CHODL: variants seen among roughly 807,000 people sequenced by gnomAD.
CHODL encodes the protein chondrolectin, also known as transmembrane protein MT75.
A neutral mutation model predicts 34.5 loss-of-function variants in CHODL; 29 were observed. The observed-to-expected ratio is 0.84, with a 90% CI of 0.63 to 1.15. CHODL has a LOEUF of 1.15. Ranked by LOEUF, CHODL falls within the 50% of genes most tolerant of loss-of-function variation. The pLI, the probability that CHODL is intolerant of heterozygous loss-of-function variation, is 0.00. For synonymous variants in CHODL, 125 were observed against 116.1 expected (o/e 1.08, Z -0.49); for missense variants, 332 against 332.5 (o/e 1.00, Z 0.01).
At chr21:18,131,404 A>C (rs181917869) in intron 2 of CHODL, among the ~76,000 whole-genome samples, 1 of 152,216 alleles carries the variant, frequency 6.6e-6, no homozygotes, top group Non-Finnish European at 1.5e-5. Flanking sequence ...AAACATTTCA[A>C]TGTAAATCTA....
chr21:18,047,775 T>C (rs923622387), intron 2 of CHODL, among the ~76,000 whole-genome samples: 1 of 151,932 alleles, frequency 6.6e-6, no homozygotes, highest in Non-Finnish European at 1.5e-5. Flanking sequence ...AGAGAATGAC[T>C]TGGGAAAAAG....
chr21:18,169,795 G>A (rs550506161), intron 2 of CHODL, among the ~76,000 whole-genome samples: 1 of 151,970 alleles, frequency 6.6e-6, no homozygotes, highest in South Asian at 2.1e-4. Flanking sequence ...CATAAATTTT[G>A]CTAGATTAGT....
intron 2 of CHODL, among the ~76,000 whole-genome samples, chr21:18,234,554 G>A (rs1302962786): frequency 2.0e-5 from 3 of 152,080 alleles, no homozygotes; most frequent in South Asian, 2.1e-4. Context: ...TAACATTTAC[G>A]CAATATCTGG....
chr21:18,260,260 A>G lies in CHODL; in HGVS notation c.608A>G (p.His203Arg), dbSNP rs775168241. The G allele has an allele frequency of 3.1e-6, 5 of 1,590,556 alleles. No homozygotes were observed. Among genetic ancestry groups the G allele is most frequent in the Non-Finnish European group, 4.3e-6 (5 of 1,170,388 alleles). ...CTTACAAATCAACCAGGAGACACCC[A>G]TCAGAATGTGGTTGTTACTGAAGCA... ...PYLTNQPGDT[H>R]QNVVVTEAGI... The change falls in exon 4 of 6, where the codon CAT becomes CGT. Residue 203 changes from histidine to arginine, a missense_variant. By Grantham distance (29) the His-to-Arg change is conservative. Transcript: ENST00000299295.
intron 1 of CHODL, among the ~76,000 whole-genome samples, chr21:17,995,757 A>G (rs2063843019): frequency 1.3e-5 from 2 of 152,338 alleles, no homozygotes; most frequent in Non-Finnish European, 1.5e-5. Context: ...GTCTTGCTGA[A>G]GAACACTGGA....
At chr21:18,195,230 AT>A (rs2073572448) in intron 2 of CHODL, among the ~76,000 whole-genome samples, 1 of 151,656 alleles carries the variant, frequency 6.6e-6, no homozygotes, top group South Asian at 2.1e-4. Context: ...AATTTTTTGT[AT>A]TTTTAGTAGA....
chr21:17,957,137 T>C (rs560636216), intron 1 of CHODL, among the ~76,000 whole-genome samples: 46 of 152,290 alleles, frequency 3.0e-4, no homozygotes, highest in African/African-American at 1.1e-3. Flanking sequence ...TTCTCTCTTA[T>C]TCACTAACTC....
intron 2 of CHODL, among the ~76,000 whole-genome samples, chr21:18,101,746 G>C (rs1296299986): frequency 6.7e-6 from 1 of 148,184 alleles, no homozygotes; most frequent in Non-Finnish European, 1.5e-5. Context: ...GTCTGTACTT[G>C]TGAGTGTATA....
At chr21:18,159,164 G>A (rs2073067763) in intron 2 of CHODL, among the ~76,000 whole-genome samples, 1 of 152,164 alleles carries the variant, frequency 6.6e-6, no homozygotes, top group Non-Finnish European at 1.5e-5. Context: ...CAGGGAGGCT[G>A]CCACACAATG....
Position 18,006,356 on chromosome 21 carries a change from G to GA in CHODL, c.-144-21504dup, listed in dbSNP as rs113398493. ...CACATGCCTGGAACTTAAAATAAAA[G>GA]AAAAAAAAAAAAGAAAAAAAAATGT... On this transcript the variant is annotated intron_variant, in intron 1 of 6. Transcript: ENST00000400127. 3.9e-3 allele frequency among the ~76,000 whole-genome samples: 480 copies of GA among 124,098 alleles called. 4 individuals carry two copies. The highest frequency in any genetic ancestry group is 0.016 in the East Asian group (69 of 4,252). The allele number at this position is 124,098 out of a possible 152,430, so 81.4% of individuals were successfully genotyped here.
intron 1 of CHODL, among the ~76,000 whole-genome samples, chr21:17,961,218 T>C (rs1340244224): frequency 1.3e-5 from 2 of 152,242 alleles, no homozygotes; most frequent in Admixed American, 1.3e-4. Flanking sequence ...TATTGTAGCA[T>C]GTTCTCTTAC....
intron 2 of CHODL, among the ~76,000 whole-genome samples, chr21:18,229,402 C>T (rs952297193): frequency 2.0e-5 from 3 of 152,092 alleles, no homozygotes; most frequent in African/African-American, 7.2e-5. Context: ...TAGGTGTGTT[C>T]GATATATCTG....
intron 2 of CHODL, among the ~76,000 whole-genome samples, chr21:18,191,985 T>C (rs1014527443): frequency 3.9e-5 from 6 of 152,144 alleles, no homozygotes; most frequent in Non-Finnish European, 7.3e-5. Context: ...CAAATGAAAG[T>C]CTTTAGATGT....
intron 1 of CHODL, among the ~76,000 whole-genome samples, chr21:18,249,480 T>C: frequency 6.6e-6 from 1 of 152,176 alleles, no homozygotes; most frequent in East Asian, 1.9e-4. Flanking sequence ...ATTTAAATAT[T>C]TGTAACAGAA....
At chr21:18,167,366 G>C (rs2073170985) in intron 2 of CHODL, among the ~76,000 whole-genome samples, 1 of 146,714 alleles carries the variant, frequency 6.8e-6, no homozygotes, top group African/African-American at 2.6e-5. Context: ...CTGGAGTGCA[G>C]TGGTGTGATC....
chr21:18,191,708 T>A (rs1646250821), intron 2 of CHODL, among the ~76,000 whole-genome samples: 1 of 152,172 alleles, frequency 6.6e-6, no homozygotes, highest in African/African-American at 2.4e-5. Context: ...GTCACAGAAG[T>A]ATGAATGCTG....
intron 5 of CHODL, among the ~76,000 whole-genome samples, chr21:18,265,288 TACACAC>T (rs563361586): frequency 7.1e-5 from 10 of 139,942 alleles, no homozygotes; most frequent in South Asian, 6.8e-4. Flanking sequence ...TGTATATATA[TACACAC>T]ACACACACAC....
At chr21:17,971,229 A>G (rs2063611844) in intron 1 of CHODL, among the ~76,000 whole-genome samples, 1 of 152,216 alleles carries the variant, frequency 6.6e-6, no homozygotes, top group Admixed American at 6.5e-5. Flanking sequence ...AATGATTTAT[A>G]ATCCTTTGCG....
chr21:18,211,949 T>C (rs1355492886), intron 2 of CHODL, among the ~76,000 whole-genome samples: 1 of 152,178 alleles, frequency 6.6e-6, no homozygotes, highest in Admixed American at 6.5e-5. Context: ...TAGTGAAATT[T>C]AAAGAACTTA....
Sources: gnomAD v4.1 joint callset for allele counts (sites outside exome capture counted in the v4.1 genomes callset) on GRCh38, gnomAD v4.1.1 for gene constraint, MANE v1.5 for transcripts, NCBI Gene and HGNC (gene_info 2026-07-23, HGNC 2026-07-21) for gene names.